Variants in NEDD4L observed in about 807,000 individuals in gnomAD.
The protein encoded by NEDD4L is E3 ubiquitin-protein ligase NEDD4-like.
In NEDD4L, 54 loss-of-function variants were observed where a neutral mutation model predicts 148.9. The observed-to-expected ratio is 0.36, with a 90% CI of 0.29 to 0.45. The LOEUF (loss-of-function observed/expected upper bound fraction) is 0.45. Ranked by LOEUF, NEDD4L falls within the 20% of genes least tolerant of loss-of-function variation. NEDD4L has a pLI of 1.00. For synonymous variants in NEDD4L, 433 were observed against 440.7 expected, an observed-to-expected ratio of 0.98 and a Z score of 0.22; for missense variants, 856 against 1,233.8, an observed-to-expected ratio of 0.69 and a Z score of 4.59.
chr18:58,122,454 G>A (rs113629468), intron 1 of NEDD4L, among the ~76,000 whole-genome samples: 81 of 152,174 alleles, frequency 5.3e-4, no homozygotes, highest in African/African-American at 1.5e-3. Context: ...CCGAAATTGC[G>A]CCATTGCACT....
In NEDD4L at chr18:58,366,006, T is replaced by C. The variant is rs2098606939; in HGVS notation, c.1841T>C (p.Ile614Thr). The C allele has an allele frequency of 6.2e-7, 1 of 1,604,442 alleles. No homozygotes were observed. Among genetic ancestry groups the C allele is most frequent in the Non-Finnish European group, 8.5e-7 (1 of 1,173,874 alleles). Residue 614 changes from isoleucine (I) to threonine (T), a missense_variant, in exon 21 of 31, where the codon ATC (isoleucine) becomes ACC (threonine). Physicochemically the swap from Ile to Thr is moderately conservative, Grantham distance 89. Around this residue, in one of 4 missense-constraint regions of NEDD4L, gnomAD observed 286 missense variants for 531.8 expected, o/e 0.54. Transcript: ENST00000400345. The surrounding 1 kb of genome is among the most constrained non-coding windows in gnomAD (Gnocchi z 4.2). The stretch of plus-strand genomic sequence containing the variant: ...CTTTTGTCTTTTGTGTAGGCTGATA[T>C]CCCCAATAGGTTTGAAATGAAACTT... ...FRKKLKKPAD[I>T]PNRFEMKLHR...
intron 4 of NEDD4L, among the ~76,000 whole-genome samples, chr18:58,251,113 C>A (rs547926372): frequency 2.0e-5 from 3 of 152,122 alleles, no homozygotes; most frequent in Non-Finnish European, 4.4e-5. Context: ...CTTCACTGAA[C>A]CTCAGGGTCT....
At chr18:58,373,004 T>G in intron 23 of NEDD4L, 170 bp from the exon 24 acceptor site, 2 of 465,864 alleles carry the variant, frequency 4.3e-6, no homozygotes, top group South Asian at 2.2e-5. Context: ...GTTTGTTTGT[T>G]TATAGTTTAA....
chr18:58,198,537 C>T (rs1054638716), intron 2 of NEDD4L, among the ~76,000 whole-genome samples: 3 of 151,998 alleles, frequency 2.0e-5, no homozygotes, highest in Non-Finnish European at 2.9e-5. Flanking sequence ...GGTGGAGTGT[C>T]GGGGAGCTGG....
Position 58,399,363 on chromosome 18 carries a change from A to T in NEDD4L, c.*3094A>T, listed in dbSNP as rs891434514. 1 of 152,208 alleles carries T rather than the reference A, an allele frequency of 6.6e-6. No homozygotes were observed. The highest frequency in any genetic ancestry group is 1.5e-5 in the Non-Finnish European group (1 of 68,042). 9.4% of individuals were successfully genotyped at this position (152,208 alleles called of 1,614,324 possible). ...AACAAATCTCAAGAACAAAGGTAAG[A>T]CACTTGGTTTTTGTTTCCAGGACCC... On this transcript the variant is annotated 3_prime_UTR_variant, in exon 31 of 31. Coordinates refer to ENST00000400345, the MANE Select transcript of NEDD4L (RefSeq NM_001144967.3).
At chr18:58,268,053 A>G (rs1354674427) in intron 5 of NEDD4L, among the ~76,000 whole-genome samples, 1 of 152,028 alleles carries the variant, frequency 6.6e-6, no homozygotes, top group East Asian at 1.9e-4. Flanking sequence ...TCAAAAGCCC[A>G]ATTAATAGGA....
At chr18:58,242,656 A>G (rs1600148341) in intron 2 of NEDD4L, among the ~76,000 whole-genome samples, 1 of 152,172 alleles carries the variant, frequency 6.6e-6, no homozygotes, top group Non-Finnish European at 1.5e-5. Flanking sequence ...GCATGCCACC[A>G]CACGCAGCTA....
chr18:58,283,030 C>T (rs533335605), intron 5 of NEDD4L, among the ~76,000 whole-genome samples: 46 of 152,112 alleles, frequency 3.0e-4, no homozygotes, highest in Admixed American at 5.2e-4. Context: ...GTGAAAGGAA[C>T]GTGATAAATT....
chr18:58,067,843 T>C (rs2082677278), intron 1 of NEDD4L, among the ~76,000 whole-genome samples: 1 of 152,214 alleles, frequency 6.6e-6, no homozygotes, highest in South Asian at 2.1e-4. Context: ...AGATGACAGC[T>C]GCTGGTGGCA....
chr18:58,370,277 C>T, intron 22 of NEDD4L, 120 bp from the exon 23 acceptor site: 1 of 690,754 alleles, frequency 1.4e-6, no homozygotes, highest in East Asian at 2.7e-5. Flanking sequence ...GTAGAAGGCC[C>T]TTGGTTACTC....
intron 30 of NEDD4L, among the ~76,000 whole-genome samples, chr18:58,391,954 CT>C (rs1449942380): frequency 6.6e-6 from 1 of 152,216 alleles, no homozygotes; most frequent in African/African-American, 2.4e-5. Context: ...TAGAAACATC[CT>C]TTTTCAAAGG....
intron 1 of NEDD4L, among the ~76,000 whole-genome samples, chr18:58,093,348 G>A (rs1282115217): frequency 3.3e-5 from 5 of 152,128 alleles, no homozygotes; most frequent in Non-Finnish European, 4.4e-5. Context: ...TAAGAACTGC[G>A]CAAGACAGTG....
intron 1 of NEDD4L, among the ~76,000 whole-genome samples, chr18:58,065,032 T>C (rs751079520): frequency 4.6e-5 from 7 of 152,228 alleles, no homozygotes; most frequent in African/African-American, 1.7e-4. Context: ...GCTATCAATA[T>C]ATAGCTCTGG....
intron 2 of NEDD4L, among the ~76,000 whole-genome samples, chr18:58,213,608 G>A (rs753777115): frequency 6.6e-6 from 1 of 152,174 alleles, no homozygotes; most frequent in Non-Finnish European, 1.5e-5. Flanking sequence ...GTGGGAGAGT[G>A]GGGTGGCAGG....
At position 58,044,705 on chromosome 18, in the gene NEDD4L, C is replaced by G; in HGVS notation, c.45C>G (p.Asp15Glu). The part of the protein sequence containing the change: ...LGEPVYGLSE[D>E]EGESRILRVK... Reference sequence around the variant, plus strand: ...AGCCGGTCTATGGACTTTCCGAAGACGAGGTGAGTGGCACCCCCTTCCTGC... The same window carrying G: ...AGCCGGTCTATGGACTTTCCGAAGAGGAGGTGAGTGGCACCCCCTTCCTGC... The change falls in exon 1 of 31, where the codon GAC (aspartate) becomes GAG (glutamate). Residue 15 changes from aspartate (D) to glutamate (E), a missense_variant. Asp to Glu is a conservative substitution (Grantham distance 45). Coordinates refer to ENST00000400345, the MANE Select transcript of NEDD4L (RefSeq NM_001144967.3). 1 of 1,606,690 alleles carries G rather than the reference C, an allele frequency of 6.2e-7. No homozygotes were observed. Among genetic ancestry groups the G allele is most frequent in the Non-Finnish European group, 8.5e-7 (1 of 1,176,606 alleles).
At chr18:58,117,748 C>G (rs1450880938) in intron 1 of NEDD4L, among the ~76,000 whole-genome samples, 6 of 152,138 alleles carry the variant, frequency 3.9e-5, no homozygotes, top group Non-Finnish European at 7.4e-5. Flanking sequence ...CTTTCTGGCA[C>G]TTGTGTTCTG....
chr18:58,134,769 A>ATTTTTTT (rs71173032), intron 1 of NEDD4L, among the ~76,000 whole-genome samples: 19 of 131,406 alleles, frequency 1.4e-4, no homozygotes, highest in Non-Finnish European at 1.8e-4. Context: ...AGCAATTTTC[A>ATTTTTTT]TTTTTTTTTT....
At chr18:58,083,908 C>G (rs1337187252) in intron 1 of NEDD4L, among the ~76,000 whole-genome samples, 1 of 152,030 alleles carries the variant, frequency 6.6e-6, no homozygotes, top group Non-Finnish European at 1.5e-5. Flanking sequence ...TTTTTGTATT[C>G]TTAGTAGAGA....
At chr18:58,347,966 TTTTTTTTTGAGTATAAAGA>T (rs931180363) in intron 16 of NEDD4L, among the ~76,000 whole-genome samples, 38 of 150,706 alleles carry the variant, frequency 2.5e-4, no homozygotes, top group African/African-American at 9.2e-4. Flanking sequence ...TGATAGTGGT[TTTTTTTTTGAGTATAAAGA>T]TATGGATTCT....
Sources: allele counts gnomAD v4.1 joint callset (sites outside exome capture counted in the v4.1 genomes callset), GRCh38; gene constraint gnomAD v4.1.1; regional missense constraint gnomAD v4.1.1; non-coding constraint Gnocchi (gnomAD v3.1); transcripts MANE v1.5; gene names NCBI Gene and HGNC (gene_info 2026-07-23, HGNC 2026-07-21).